The following EPHA6 variants were observed in gnomAD, a reference collection of about 807,000 sequenced individuals.
EPHA6 encodes the protein ephrin type-A receptor 6.
Under a neutral mutation model 112.0 loss-of-function variants are expected in EPHA6, and 50 were observed. The observed-to-expected ratio is 0.45, with a 90% CI of 0.36 to 0.56. The LOEUF (loss-of-function observed/expected upper bound fraction) is 0.56, where lower values mean the gene tolerates loss of function less well. EPHA6 is among the 20% of genes least tolerant of loss of function. The probability of loss-of-function intolerance (pLI) is 0.00; values close to 1 mark genes in which losing one functional copy is unlikely to be tolerated. For missense variants in EPHA6, 1,280 were observed against 1,417.4 expected (o/e 0.90, Z 1.56); for synonymous variants, 529 against 490.7 (o/e 1.08, Z -1.03).
intron 5 of EPHA6, among the ~76,000 whole-genome samples, chr3:97,361,999 G>A (rs775846646): frequency 5.9e-5 from 9 of 152,094 alleles, no homozygotes; most frequent in Admixed American, 2.0e-4. Flanking sequence ...AATATTTCAT[G>A]AAGATCTAAG....
intron 3 of EPHA6, among the ~76,000 whole-genome samples, chr3:96,994,918 A>G (rs1407923474): frequency 6.6e-6 from 1 of 151,806 alleles, no homozygotes; most frequent in Non-Finnish European, 1.5e-5. Flanking sequence ...CTATTTGTCT[A>G]TGAAAATTAA....
intron 14 of EPHA6, among the ~76,000 whole-genome samples, chr3:97,664,284 A>T (rs1395758485): frequency 6.6e-6 from 1 of 151,994 alleles, no homozygotes; most frequent in Admixed American, 6.6e-5. Context: ...ATTCTGTAGG[A>T]TGCCTGTTCA....
intron 1 of EPHA6, among the ~76,000 whole-genome samples, chr3:96,852,699 T>C (rs964630689): frequency 1.3e-5 from 2 of 151,446 alleles, no homozygotes; most frequent in Admixed American, 1.3e-4. Context: ...TCCCCTGCAG[T>C]TATTGGGTGT....
intron 12 of EPHA6, among the ~76,000 whole-genome samples, chr3:97,597,748 CTA>C (rs1345683020): frequency 6.6e-6 from 1 of 152,212 alleles, no homozygotes. Flanking sequence ...ATTGTATTCA[CTA>C]TTATACAGTC....
intron 12 of EPHA6, among the ~76,000 whole-genome samples, chr3:97,603,806 T>C (rs950015398): frequency 1.2e-4 from 18 of 152,056 alleles, no homozygotes; most frequent in South Asian, 2.1e-4. Context: ...ATCTTGTTCA[T>C]TGAAGCAATT....
chr3:97,579,952 A>C (rs1413106558), intron 11 of EPHA6, among the ~76,000 whole-genome samples: 1 of 152,210 alleles, frequency 6.6e-6, no homozygotes, highest in Non-Finnish European at 1.5e-5. Flanking sequence ...GTAAAATTGA[A>C]TATAATACTT....
intron 3 of EPHA6, among the ~76,000 whole-genome samples, chr3:97,028,762 T>C (rs374346394): frequency 1.3e-5 from 2 of 152,010 alleles, no homozygotes; most frequent in South Asian, 2.1e-4. Context: ...TGAAATATGA[T>C]TTCTCATTAA....
chr3:96,905,055 G>A (rs1241020185), intron 2 of EPHA6, among the ~76,000 whole-genome samples: 1 of 152,018 alleles, frequency 6.6e-6, no homozygotes, highest in African/African-American at 2.4e-5. Context: ...TGAGAGTTTT[G>A]CCAAAGGAAT....
intron 11 of EPHA6, among the ~76,000 whole-genome samples, chr3:97,588,462 C>T (rs1309248884): frequency 6.6e-6 from 1 of 152,132 alleles, no homozygotes; most frequent in Non-Finnish European, 1.5e-5. Context: ...GAAGTCATAT[C>T]TCATTTATAT....
At chr3:97,558,995 G>A (rs887604560) in intron 11 of EPHA6, among the ~76,000 whole-genome samples, 1 of 151,988 alleles carries the variant, frequency 6.6e-6, no homozygotes, top group African/African-American at 2.4e-5. Flanking sequence ...CATGCATGCA[G>A]TTAAGAACAA....
At chr3:97,646,568 G>A (rs553172484) in intron 14 of EPHA6, among the ~76,000 whole-genome samples, 8 of 152,078 alleles carry the variant, frequency 5.3e-5, no homozygotes, top group Non-Finnish European at 1.0e-4. Flanking sequence ...AGGGCCAATT[G>A]TGAAACAGCT....
chr3:97,130,357 T>C (rs533963371), intron 3 of EPHA6, among the ~76,000 whole-genome samples: 21 of 152,162 alleles, frequency 1.4e-4, no homozygotes, highest in Non-Finnish European at 2.5e-4. Context: ...CTTCTACATA[T>C]GGTAGTTAAA....
At chr3:97,334,283 G>A (rs1443474164) in intron 5 of EPHA6, among the ~76,000 whole-genome samples, 1 of 151,232 alleles carries the variant, frequency 6.6e-6, no homozygotes, top group African/African-American at 2.4e-5. Flanking sequence ...TTTGTATTAG[G>A]GTAATGCTGA....
At chr3:97,613,196 A>G (rs1348088343) in intron 13 of EPHA6, among the ~76,000 whole-genome samples, 1 of 152,168 alleles carries the variant, frequency 6.6e-6, no homozygotes, top group African/African-American at 2.4e-5. Context: ...TTGTGTTAAT[A>G]GCAGATACTC....
At chr3:97,031,669 A>T (rs1319912121) in intron 3 of EPHA6, among the ~76,000 whole-genome samples, 2 of 152,112 alleles carry the variant, frequency 1.3e-5, no homozygotes, top group African/African-American at 4.8e-5. Flanking sequence ...AAGAAGACAT[A>T]TATGCAGCCA....
intron 2 of EPHA6, among the ~76,000 whole-genome samples, chr3:96,888,492 C>T (rs574604309): frequency 3.9e-5 from 6 of 152,232 alleles, no homozygotes; most frequent in East Asian, 3.9e-4. Flanking sequence ...TGGCCAAACC[C>T]GGATTCTTGA....
At chr3:96,928,908 A>G (rs950836765) in intron 2 of EPHA6, among the ~76,000 whole-genome samples, 4 of 152,140 alleles carry the variant, frequency 2.6e-5, no homozygotes, top group African/African-American at 9.7e-5. Flanking sequence ...TTGTTGGTTT[A>G]AAGTCTTTTG....
chr3:96,999,169 G>A (rs1017754430), intron 3 of EPHA6, among the ~76,000 whole-genome samples: 3 of 151,826 alleles, frequency 2.0e-5, no homozygotes, highest in African/African-American at 7.2e-5. Flanking sequence ...ATTGTAGTAG[G>A]CTGACTTTCT....
chr3:97,624,031 G>A (rs1215604855), intron 13 of EPHA6, among the ~76,000 whole-genome samples: 2 of 151,078 alleles, frequency 1.3e-5, no homozygotes, highest in Admixed American at 6.6e-5. Flanking sequence ...CTGTGTTTCT[G>A]CCAAAAAAAA....
Sources: allele counts gnomAD v4.1 joint callset (sites outside exome capture counted in the v4.1 genomes callset), GRCh38; gene constraint gnomAD v4.1.1; transcripts MANE v1.5; gene names NCBI Gene and HGNC (gene_info 2026-07-23, HGNC 2026-07-21).